Variants in AGBL4 observed in about 807,000 individuals in gnomAD.
The protein encoded by AGBL4 is cytosolic carboxypeptidase 6.
In AGBL4, 58 loss-of-function variants were observed where a neutral mutation model predicts 66.4. The observed-to-expected ratio is 0.87, with a 90% CI of 0.71 to 1.09. AGBL4 has a LOEUF of 1.09. Among genes scored for constraint, AGBL4 ranks in the 50% least tolerant of loss-of-function variants. The probability of loss-of-function intolerance (pLI) is 0.00; values close to 1 mark genes in which losing one functional copy is unlikely to be tolerated. For synonymous variants in AGBL4, 234 were observed against 222.9 expected (o/e 1.05, Z -0.44); for missense variants, 579 against 631.0 (o/e 0.92, Z 0.88).
chr1:49,299,581 T>C (rs1351243870), intron 3 of AGBL4, among the ~76,000 whole-genome samples: 4 of 152,232 alleles, frequency 2.6e-5, no homozygotes, highest in Non-Finnish European at 5.9e-5. Flanking sequence ...TCATTTTTAG[T>C]AGACAACTTG....
chr1:49,214,628 G>C (rs925556577), intron 4 of AGBL4, among the ~76,000 whole-genome samples: 1 of 152,086 alleles, frequency 6.6e-6, no homozygotes, highest in African/African-American at 2.4e-5. Flanking sequence ...GTACAGAAAG[G>C]CTCTCCATGA....
chr1:49,817,507 C>T (rs532833173), intron 2 of AGBL4, among the ~76,000 whole-genome samples: 8 of 152,250 alleles, frequency 5.3e-5, no homozygotes, highest in African/African-American at 1.7e-4. Flanking sequence ...AATTCTCATT[C>T]GCAATACTGT....
At chr1:49,124,135 G>A (rs1049520846) in intron 4 of AGBL4, among the ~76,000 whole-genome samples, 13 of 152,024 alleles carry the variant, frequency 8.6e-5, no homozygotes, top group South Asian at 2.1e-4. Context: ...AAGAGTCTAC[G>A]GCAAATGAAA....
chr1:49,561,769 C>T (rs1377229278), intron 3 of AGBL4, among the ~76,000 whole-genome samples: 3 of 152,052 alleles, frequency 2.0e-5, no homozygotes, highest in Non-Finnish European at 4.4e-5. Flanking sequence ...AATAAACATA[C>T]GTGTGCATGT....
chr1:48,629,585 G>C (rs114470334), intron 9 of AGBL4, among the ~76,000 whole-genome samples: 154 of 152,250 alleles, frequency 1.0e-3, no homozygotes, highest in African/African-American at 3.6e-3. Context: ...GGAAGACAAG[G>C]GATCTGGGAT....
At chr1:49,667,381 C>T (rs775607985) in intron 3 of AGBL4, among the ~76,000 whole-genome samples, 34 of 152,018 alleles carry the variant, frequency 2.2e-4, no homozygotes, top group Middle Eastern at 3.4e-3. Context: ...TCACCTGAGC[C>T]GGGGAGGTCA....
chr1:49,221,881 A>AT (rs1388617828), intron 4 of AGBL4, among the ~76,000 whole-genome samples: 4 of 152,144 alleles, frequency 2.6e-5, no homozygotes, highest in African/African-American at 4.8e-5. Flanking sequence ...GTTTAACCCA[A>AT]TGACCCAGAG....
At chr1:49,986,115 T>C (rs1002528393) in intron 1 of AGBL4, among the ~76,000 whole-genome samples, 7 of 152,008 alleles carry the variant, frequency 4.6e-5, no homozygotes, top group African/African-American at 1.7e-4. Flanking sequence ...CAATCATAAG[T>C]ATGTAGACCA....
intron 8 of AGBL4, among the ~76,000 whole-genome samples, chr1:48,650,131 G>A (rs994800715): frequency 6.6e-6 from 1 of 152,222 alleles, no homozygotes; most frequent in Non-Finnish European, 1.5e-5. Flanking sequence ...CCTGTCTTTG[G>A]TTCTCCTCCC....
intron 3 of AGBL4, among the ~76,000 whole-genome samples, chr1:49,503,889 T>C (rs1648432923): frequency 2.0e-5 from 3 of 152,088 alleles, no homozygotes; most frequent in Admixed American, 2.0e-4. Flanking sequence ...GGACTTTTGG[T>C]TTAATGCTGG....
chr1:48,808,021 C>T (rs1346819407), intron 6 of AGBL4, among the ~76,000 whole-genome samples: 2 of 152,104 alleles, frequency 1.3e-5, no homozygotes, highest in Non-Finnish European at 2.9e-5. Context: ...TTAATATATT[C>T]GTTTAGGAGC....
At chr1:49,947,969 T>TTTATATTTATAAATATTTATAA (rs1553151746) in intron 1 of AGBL4, among the ~76,000 whole-genome samples, 13 of 75,270 alleles carry the variant, frequency 1.7e-4, no homozygotes, top group Non-Finnish European at 3.0e-4. Flanking sequence ...TATAAATATA[T>TTTATATTTATAAATATTTATAA]ATATTTATAA....
intron 3 of AGBL4, among the ~76,000 whole-genome samples, chr1:49,587,807 C>T (rs1047360338): frequency 3.9e-5 from 6 of 151,944 alleles, no homozygotes; most frequent in Admixed American, 3.3e-4. Flanking sequence ...CTGCTTCTGG[C>T]CTCCAGACTC....
At chr1:49,471,356 G>A (rs1373050777) in intron 3 of AGBL4, among the ~76,000 whole-genome samples, 1 of 151,870 alleles carries the variant, frequency 6.6e-6, no homozygotes, top group Non-Finnish European at 1.5e-5. Flanking sequence ...CCAAAAATTT[G>A]TTTTTGTTTT....
At chr1:49,521,991 C>T (rs1304377795) in intron 3 of AGBL4, among the ~76,000 whole-genome samples, 4 of 151,984 alleles carry the variant, frequency 2.6e-5, no homozygotes, top group Non-Finnish European at 5.9e-5. Context: ...TGGGATCATT[C>T]GTACCCCAAA....
At chr1:48,603,783 T>A (rs558817349) in intron 9 of AGBL4, among the ~76,000 whole-genome samples, 8 of 152,002 alleles carry the variant, frequency 5.3e-5, no homozygotes, top group Non-Finnish European at 7.4e-5. Context: ...AGAACTAATT[T>A]AAAAATGATA....
At chr1:48,579,826 G>A (rs1273107456) in intron 11 of AGBL4, among the ~76,000 whole-genome samples, 2 of 149,810 alleles carry the variant, frequency 1.3e-5, no homozygotes, top group East Asian at 4.0e-4. Flanking sequence ...GCTGAGGCAG[G>A]AGAATGGCAT....
At chr1:49,439,211 A>T (rs542563505) in intron 3 of AGBL4, among the ~76,000 whole-genome samples, 3 of 152,308 alleles carry the variant, frequency 2.0e-5, no homozygotes, top group Admixed American at 1.3e-4. Context: ...AAGCAAGGAA[A>T]GGCCAAGTGA....
At chr1:49,854,583 C>T (rs886131150) in intron 1 of AGBL4, among the ~76,000 whole-genome samples, 16 of 152,022 alleles carry the variant, frequency 1.1e-4, no homozygotes, top group Admixed American at 8.5e-4. Context: ...GAACTAATCC[C>T]CCATCAGACT....
Sources: gnomAD v4.1 joint callset for allele counts (sites outside exome capture counted in the v4.1 genomes callset) on GRCh38, gnomAD v4.1.1 for gene constraint, MANE v1.5 for transcripts, NCBI Gene and HGNC (gene_info 2026-07-23, HGNC 2026-07-21) for gene names.